MAPRE2: variants seen among roughly 807,000 people sequenced by gnomAD.
The protein encoded by MAPRE2 is microtubule-associated protein RP/EB family member 2.
MAPRE2 carries 13 observed loss-of-function variants against 43.2 expected under a neutral mutation model. The observed-to-expected ratio is 0.30, with a 90% CI of 0.20 to 0.48. The LOEUF (loss-of-function observed/expected upper bound fraction) is 0.48, where lower values mean the gene tolerates loss of function less well. MAPRE2 is among the 20% of genes least tolerant of loss of function. The probability of loss-of-function intolerance (pLI) is 0.99; values close to 1 mark genes in which losing one functional copy is unlikely to be tolerated. For missense variants in MAPRE2, 161 were observed against 400.2 expected, an observed-to-expected ratio of 0.40 and a Z score of 5.10; for synonymous variants, 135 against 148.8, an observed-to-expected ratio of 0.91 and a Z score of 0.68.
intron 2 of MAPRE2, among the ~76,000 whole-genome samples, chr18:35,089,645 C>T (rs1908045705): frequency 6.6e-6 from 1 of 152,170 alleles, no homozygotes; most frequent in African/African-American, 2.4e-5. Flanking sequence ...ATCAAAACGA[C>T]AGACAAGTGG....
At chr18:34,985,302 TTG>T (rs1207205509) in intron 1 of MAPRE2, among the ~76,000 whole-genome samples, 50 of 21,314 alleles carry the variant, frequency 2.3e-3, no homozygotes, top group African/African-American at 8.0e-3. Context: ...ATATTATATA[TTG>T]TATATATTAT....
At chr18:35,010,267 G>A (rs2097033853) in intron 2 of MAPRE2, among the ~76,000 whole-genome samples, 1 of 152,160 alleles carries the variant, frequency 6.6e-6, no homozygotes, top group African/African-American at 2.4e-5. Context: ...ATTAGCCAGT[G>A]TGGTGGCCCA....
rs546369334 is a variant in MAPRE2 at position 34,998,466 on chromosome 18, A to G, written c.-69-7026A>G. Among the ~76,000 whole-genome samples, 104 of 151,804 alleles carry G rather than the reference A, an allele frequency of 6.9e-4. No individual in the cohort carries two copies. The East Asian group carries it at 0.019, about 28-fold the overall frequency. On this transcript the variant is annotated intron_variant, in intron 1 of 7. Coordinates refer to the MAPRE2 transcript ENST00000413393. ...CTCAGCCTCCCAAGTAGCTGGGACT[A>G]CAGGTGCCCGCCACCACACCCCGCT...
chr18:34,995,421 G>A (rs1045477603), intron 1 of MAPRE2, among the ~76,000 whole-genome samples: 1 of 152,218 alleles, frequency 6.6e-6, no homozygotes, highest in Non-Finnish European at 1.5e-5. Flanking sequence ...GCTTCACTGA[G>A]GGTGCTCATG....
intron 4 of MAPRE2, among the ~76,000 whole-genome samples, chr18:35,123,819 G>C (rs1237752975): frequency 2.0e-5 from 3 of 152,172 alleles, no homozygotes; most frequent in Non-Finnish European, 2.9e-5. Flanking sequence ...ATTTCTCTGG[G>C]TTAGGCACTG....
intron 2 of MAPRE2, among the ~76,000 whole-genome samples, chr18:35,008,145 C>G (rs2097032691): frequency 6.6e-6 from 1 of 152,092 alleles, no homozygotes; most frequent in South Asian, 2.1e-4. Context: ...TGTTCCTGCA[C>G]CACACACAAC....
At chr18:35,095,826 C>G (rs549412563) in intron 2 of MAPRE2, among the ~76,000 whole-genome samples, 4 of 152,138 alleles carry the variant, frequency 2.6e-5, no homozygotes, top group Admixed American at 6.5e-5. Context: ...TGATGTTTCT[C>G]TTTCCTCCCC....
At chr18:35,098,520 T>C (rs997314525) in intron 3 of MAPRE2, among the ~76,000 whole-genome samples, 2 of 152,206 alleles carry the variant, frequency 1.3e-5, no homozygotes, top group Non-Finnish European at 2.9e-5. Context: ...ATTAAGAAAA[T>C]CCTGACTTCT....
chr18:35,093,023 C>G (rs1337990848), intron 2 of MAPRE2, among the ~76,000 whole-genome samples: 1 of 151,888 alleles, frequency 6.6e-6, no homozygotes, highest in Non-Finnish European at 1.5e-5. Flanking sequence ...ACCAGCCTGG[C>G]TAACATGGTA....
At chr18:34,995,951 G>A (rs1379921427) in intron 1 of MAPRE2, among the ~76,000 whole-genome samples, 2 of 152,090 alleles carry the variant, frequency 1.3e-5, no homozygotes, top group South Asian at 2.1e-4. Flanking sequence ...ACCCCTCAAC[G>A]GCTAGACGTA....
intron 1 of MAPRE2, among the ~76,000 whole-genome samples, chr18:34,985,688 A>G (rs1204786400): frequency 8.0e-6 from 1 of 124,528 alleles, no homozygotes; most frequent in African/African-American, 3.1e-5. Flanking sequence ...TATATATTAT[A>G]TAATATGTGA....
intron 1 of MAPRE2, among the ~76,000 whole-genome samples, chr18:35,055,406 A>G (rs570758911): frequency 2.6e-5 from 4 of 152,256 alleles, no homozygotes; most frequent in African/African-American, 9.6e-5. Flanking sequence ...GGAACCAGTC[A>G]TTGGAGGGCC....
At chr18:34,989,051 A>C (rs962894283) in intron 1 of MAPRE2, among the ~76,000 whole-genome samples, 5 of 152,154 alleles carry the variant, frequency 3.3e-5, no homozygotes, top group African/African-American at 1.2e-4. Flanking sequence ...CAGAATTTCC[A>C]CTACTAGCAC....
intron 4 of MAPRE2, among the ~76,000 whole-genome samples, chr18:35,116,610 C>T (rs1374262070): frequency 6.6e-6 from 1 of 152,224 alleles, no homozygotes; most frequent in Non-Finnish European, 1.5e-5. Flanking sequence ...AGGCCACCCT[C>T]AGTTCCTAGA....
intron 2 of MAPRE2, among the ~76,000 whole-genome samples, chr18:35,016,755 A>G (rs1390041608): frequency 4.6e-5 from 7 of 151,808 alleles, no homozygotes; most frequent in Non-Finnish European, 1.0e-4. Flanking sequence ...TCTGTAGCTT[A>G]TCTGTTTACT....
At chr18:35,097,396 C>T (rs1381689950) in intron 2 of MAPRE2, 50 bp from the exon 3 acceptor site, 3 of 1,575,782 alleles carry the variant, frequency 1.9e-6, no homozygotes, top group Non-Finnish European at 2.6e-6. Flanking sequence ...TCCTCTACCA[C>T]ATCTGGGTAC....
chr18:35,029,839 T>C (rs985187846), intron 2 of MAPRE2, among the ~76,000 whole-genome samples: 2 of 152,208 alleles, frequency 1.3e-5, no homozygotes, highest in African/African-American at 2.4e-5. Context: ...AAATTGGACA[T>C]AGACACGTTT....
At chr18:34,984,660 A>G (rs2097018098) in intron 1 of MAPRE2, among the ~76,000 whole-genome samples, 1 of 150,052 alleles carries the variant, frequency 6.7e-6, no homozygotes, top group African/African-American at 2.5e-5. Flanking sequence ...TATAACTCCC[A>G]TGCTGACTGG....
intron 6 of MAPRE2, among the ~76,000 whole-genome samples, chr18:35,134,204 A>G (rs1910288208): frequency 6.6e-6 from 1 of 152,230 alleles, no homozygotes; most frequent in African/African-American, 2.4e-5. Flanking sequence ...CTAAGGCAGC[A>G]GAGAGGTTGA....
Sources: allele counts gnomAD v4.1 joint callset (sites outside exome capture counted in the v4.1 genomes callset), GRCh38; gene constraint gnomAD v4.1.1; transcripts MANE v1.5; gene names NCBI Gene and HGNC (gene_info 2026-07-23, HGNC 2026-07-21).